Variants in STX8 observed in about 807,000 individuals in gnomAD.
STX8 encodes syntaxin 8.
Under a neutral mutation model 37.5 loss-of-function variants are expected in STX8, and 23 were observed. The ratio of observed to expected loss-of-function variants is 0.61; its 90% confidence interval spans 0.44 to 0.87. The LOEUF (loss-of-function observed/expected upper bound fraction) is 0.87. STX8 is among the 40% of genes least tolerant of loss of function. The pLI, the probability that STX8 is intolerant of heterozygous loss-of-function variation, is 0.00. For synonymous variants in STX8, 115 were observed against 99.1 expected, an observed-to-expected ratio of 1.16 and a Z score of -0.95; for missense variants, 313 against 284.7, an observed-to-expected ratio of 1.10 and a Z score of -0.71.
At chr17:9,373,518 T>C (rs996851783) in intron 7 of STX8, among the ~76,000 whole-genome samples, 2 of 152,186 alleles carry the variant, frequency 1.3e-5, no homozygotes, top group East Asian at 3.8e-4. Flanking sequence ...AGTATACATA[T>C]GATCCCGCTT....
chr17:9,382,169 A>C (rs1490198556), intron 6 of STX8, among the ~76,000 whole-genome samples: 6 of 134,864 alleles, frequency 4.4e-5, no homozygotes, highest in Admixed American at 1.4e-4. Flanking sequence ...CCAAGAAAAC[A>C]CTCACACACA....
Position 9,250,630 on chromosome 17 carries a change from A to G in STX8, c.659T>C (p.Ile220Thr), listed in dbSNP as rs1349917685. ...CACGATAGCCACAAGCAGCAGTAAAATCACCATGATCATCCCTGGAAAAAA... is the reference window on the plus strand; with the variant it reads ...CACGATAGCCACAAGCAGCAGTAAAGTCACCATGATCATCCCTGGAAAAAA... Reference protein sequence around the residue: ...KSASCGMIMVILLLLVAIVVV... With the variant: ...KSASCGMIMVTLLLLVAIVVV... The change falls in exon 8 of 8, where the codon ATT becomes ACT. Residue 220 changes from isoleucine (I) to threonine (T), a missense_variant. Transcript: ENST00000306357. The G allele has an allele frequency of 2.5e-6, 4 of 1,598,598 alleles. No homozygotes were observed. The highest frequency in any genetic ancestry group is 2.7e-5 in the African/African-American group (2 of 74,832).
At chr17:9,362,633 A>G (rs1911095563) in intron 7 of STX8, among the ~76,000 whole-genome samples, 1 of 151,982 alleles carries the variant, frequency 6.6e-6, no homozygotes. Flanking sequence ...ACTGGCTAAC[A>G]TGGTGAAACC....
Position 9,295,986 on chromosome 17 carries a change from T to G in STX8, c.644-45341A>C, listed in dbSNP as rs527899983. On this transcript the variant is annotated intron_variant, in intron 7 of 7. Coordinates refer to ENST00000306357, the MANE Select transcript of STX8 (RefSeq NM_004853.3). The stretch of plus-strand genomic sequence containing the variant: ...CGGGCGGATCACGAGGTCAGGAGAT[T>G]GAGACCATCCTGGCTAACACGGTGA... 3.2e-4 allele frequency among the ~76,000 whole-genome samples: 49 copies of G among 151,700 alleles called. 1 individual carries two copies. The highest frequency in any genetic ancestry group is 1.7e-3 in the South Asian group (8 of 4,806).
intron 7 of STX8, among the ~76,000 whole-genome samples, chr17:9,252,477 T>TG (rs1203359341): frequency 1.4e-5 from 2 of 147,968 alleles, no homozygotes; most frequent in Non-Finnish European, 3.0e-5. Flanking sequence ...GGTGTGGTGG[T>TG]GGGTGCCTGT....
At chr17:9,301,418 CTT>C (rs1908776000) in intron 7 of STX8, among the ~76,000 whole-genome samples, 1 of 151,890 alleles carries the variant, frequency 6.6e-6, no homozygotes, top group African/African-American at 2.4e-5. Context: ...TCTTTGTACA[CTT>C]GAGATTAATT....
At chr17:9,514,431 C>G (rs908640446) in intron 4 of STX8, among the ~76,000 whole-genome samples, 1 of 152,010 alleles carries the variant, frequency 6.6e-6, no homozygotes, top group South Asian at 2.1e-4. Flanking sequence ...ATGGTAAAAC[C>G]CTGTCTCTAC....
At chr17:9,423,469 G>A (rs1474112566) in intron 6 of STX8, among the ~76,000 whole-genome samples, 1 of 152,134 alleles carries the variant, frequency 6.6e-6, no homozygotes, top group African/African-American at 2.4e-5. Context: ...GGGATTACAG[G>A]CATGCGCCAC....
chr17:9,472,084 T>TC (rs1905893358), intron 6 of STX8, among the ~76,000 whole-genome samples: 1 of 151,980 alleles, frequency 6.6e-6, no homozygotes, highest in South Asian at 2.1e-4. Flanking sequence ...TTTTTTTTTT[T>TC]TTCAAAAGAA....
chr17:9,266,251 G>A (rs928446619), intron 7 of STX8, among the ~76,000 whole-genome samples: 2 of 152,218 alleles, frequency 1.3e-5, no homozygotes, highest in African/African-American at 4.8e-5. Flanking sequence ...GGCAGTGGGT[G>A]CCAGCACTTT....
chr17:9,465,339 G>C (rs1438072191), intron 6 of STX8, among the ~76,000 whole-genome samples: 5 of 152,270 alleles, frequency 3.3e-5, no homozygotes, highest in African/African-American at 1.2e-4. Flanking sequence ...AGCTGAAAAT[G>C]GCAACGTGCT....
At chr17:9,550,223 C>CAA (rs879537758) in intron 3 of STX8, among the ~76,000 whole-genome samples, 2 of 124,802 alleles carry the variant, frequency 1.6e-5, no homozygotes, top group Non-Finnish European at 3.4e-5. Context: ...GACTCCATCT[C>CAA]AAAAAAAAAA....
rs115721369 is a variant in STX8 at position 9,416,816 on chromosome 17, C to A, written c.542-38163G>T. 8.9e-3 allele frequency among the ~76,000 whole-genome samples: 1,352 copies of A among 152,288 alleles called. 19 individuals carry two copies. Among genetic ancestry groups the A allele is most frequent in the African/African-American group, 0.032 (1,309 of 41,536 alleles). Reference sequence around the variant, plus strand: ...GGCTTGAATTCTGCTAAAATGTACACAGTTAGAGGATAACCAGCCAGTGTT... The same window carrying A: ...GGCTTGAATTCTGCTAAAATGTACAAAGTTAGAGGATAACCAGCCAGTGTT... On this transcript the variant is annotated intron_variant, in intron 6 of 7. Transcript: ENST00000306357.
intron 2 of STX8, among the ~76,000 whole-genome samples, chr17:9,559,745 T>TAC (rs1907132932): frequency 1.2e-4 from 4 of 33,224 alleles, no homozygotes; most frequent in African/African-American, 2.6e-4. Context: ...TATATATATA[T>TAC]ATATATATAT....
At chr17:9,451,794 G>C (rs941643052) in intron 6 of STX8, among the ~76,000 whole-genome samples, 79 of 150,424 alleles carry the variant, frequency 5.3e-4, no homozygotes, top group East Asian at 7.8e-4. Context: ...TATATACAGA[G>C]AGAGAGAGAG....
intron 4 of STX8, among the ~76,000 whole-genome samples, chr17:9,509,848 A>G (rs936353456): frequency 2.0e-5 from 3 of 152,044 alleles, no homozygotes; most frequent in Non-Finnish European, 4.4e-5. Flanking sequence ...TAAAAAAAAA[A>G]AAACAAGACT....
chr17:9,299,338 T>C (rs1908680338), intron 7 of STX8, among the ~76,000 whole-genome samples: 1 of 152,002 alleles, frequency 6.6e-6, no homozygotes, highest in African/African-American at 2.4e-5. Context: ...TGTGTCTGCA[T>C]GTCATTTCCC....
At chr17:9,574,221 T>C (rs910175256) in intron 1 of STX8, among the ~76,000 whole-genome samples, 7 of 149,572 alleles carry the variant, frequency 4.7e-5, no homozygotes, top group African/African-American at 1.5e-4. Flanking sequence ...CAGTGAGCCA[T>C]GATCGCGCCA....
At chr17:9,542,630 T>C (rs1352964407) in intron 4 of STX8, among the ~76,000 whole-genome samples, 4 of 151,892 alleles carry the variant, frequency 2.6e-5, no homozygotes, top group African/African-American at 9.7e-5. Context: ...TGAGCCAAGA[T>C]TGCGCCACTG....
Sources: allele counts gnomAD v4.1 joint callset (sites outside exome capture counted in the v4.1 genomes callset), GRCh38; gene constraint gnomAD v4.1.1; transcripts MANE v1.5; gene names NCBI Gene and HGNC (gene_info 2026-07-23, HGNC 2026-07-21).